PRKG2: variants seen among roughly 807,000 people sequenced by gnomAD.
PRKG2 encodes cGMP-dependent protein kinase 2.
Under a neutral mutation model 97.2 loss-of-function variants are expected in PRKG2, and 33 were observed. The observed-to-expected ratio is 0.34, with a 90% CI of 0.26 to 0.45. The LOEUF (loss-of-function observed/expected upper bound fraction) is 0.45. PRKG2 is among the 20% of genes least tolerant of loss of function. PRKG2 has a pLI of 1.00. For synonymous variants in PRKG2, 330 were observed against 321.8 expected (o/e 1.03, Z -0.27); for missense variants, 638 against 900.0 (o/e 0.71, Z 3.73).
At chr4:81,159,358 A>T (rs1269431717) in intron 6 of PRKG2, among the ~76,000 whole-genome samples, 1 of 152,244 alleles carries the variant, frequency 6.6e-6, no homozygotes, top group Non-Finnish European at 1.5e-5. Context: ...ACATGAAAAA[A>T]TGCTCATCAT....
At chr4:81,127,336 T>G (rs1177300536) in intron 14 of PRKG2, among the ~76,000 whole-genome samples, 1 of 152,216 alleles carries the variant, frequency 6.6e-6, no homozygotes, top group Non-Finnish European at 1.5e-5. Flanking sequence ...ATTAGAAATG[T>G]CTTGGCTATA....
intron 5 of PRKG2, 116 bp downstream of exon 5, chr4:81,169,547 T>C (rs752990330): frequency 2.0e-5 from 15 of 743,638 alleles, no homozygotes; most frequent in Non-Finnish European, 3.1e-5. Flanking sequence ...GGTTTAGTCA[T>C]GTGGAAAATG....
intron 14 of PRKG2, among the ~76,000 whole-genome samples, chr4:81,131,573 A>G (rs1746183061): frequency 6.6e-6 from 1 of 152,200 alleles, no homozygotes; most frequent in East Asian, 1.9e-4. Context: ...GTATTCTAAG[A>G]AATATTGGCC....
intron 9 of PRKG2, among the ~76,000 whole-genome samples, chr4:81,146,206 G>A (rs1747845217): frequency 6.6e-6 from 1 of 152,094 alleles, no homozygotes; most frequent in Non-Finnish European, 1.5e-5. Context: ...CAGTATTACT[G>A]TAAACAAATC....
In PRKG2 at chr4:81,132,627, T is replaced by C. The variant is rs115476643; in HGVS notation, c.1776+2528A>G. Among the ~76,000 whole-genome samples the C allele has an allele frequency of 4.4e-3, 667 of 152,318 alleles. 3 individuals are homozygous for C. Among genetic ancestry groups the C allele is most frequent in the African/African-American group, 0.015 (640 of 41,568 alleles). On this transcript the variant is annotated intron_variant, in intron 14 of 18. Coordinates refer to ENST00000264399, the MANE Select transcript of PRKG2 (RefSeq NM_006259.3). ...CGGTTTTCTTTTTACAGAGCTTGAA[T>C]ATCTACTCTTTGTTTCTTTTCAATG...
chr4:81,101,158 T>C (rs77180033), intron 17 of PRKG2, among the ~76,000 whole-genome samples: 34,410 of 150,384 alleles, frequency 0.23, 7,164 homozygotes, highest in African/African-American at 0.54. Context: ...GTCAGTGTGG[T>C]GATTCCTCAG....
At chr4:81,188,571 C>G (rs1183453483) in intron 2 of PRKG2, among the ~76,000 whole-genome samples, 1 of 137,736 alleles carries the variant, frequency 7.3e-6, no homozygotes. Context: ...GACACATGCA[C>G]ATGTATGTTT....
At chr4:81,138,384 GA>G (rs1746928706) in intron 12 of PRKG2, among the ~76,000 whole-genome samples, 1 of 152,150 alleles carries the variant, frequency 6.6e-6, no homozygotes, top group African/African-American at 2.4e-5. Context: ...TACACAGATA[GA>G]AGAAGCAATC....
chr4:81,099,294 A>G (rs1417744739), intron 17 of PRKG2, among the ~76,000 whole-genome samples: 1 of 152,202 alleles, frequency 6.6e-6, no homozygotes, highest in Non-Finnish European at 1.5e-5. Context: ...CTTGATGAAC[A>G]TTGATGCAAA....
chr4:81,159,216 C>A (rs1749391791), intron 6 of PRKG2, among the ~76,000 whole-genome samples: 1 of 152,082 alleles, frequency 6.6e-6, no homozygotes, highest in Admixed American at 6.5e-5. Flanking sequence ...ACTCATCTGA[C>A]ACAGGGCTAA....
At chr4:81,153,782 A>G in intron 6 of PRKG2, 61 bp from the exon 7 acceptor site, 1 of 1,209,942 alleles carries the variant, frequency 8.3e-7, no homozygotes, top group South Asian at 1.2e-5. Context: ...GCCTAATAGG[A>G]ACAGCTCCAG....
chr4:81,129,220 T>C (rs1745913483), intron 14 of PRKG2, among the ~76,000 whole-genome samples: 1 of 152,192 alleles, frequency 6.6e-6, no homozygotes, highest in South Asian at 2.1e-4. Flanking sequence ...AGGAGTGTTT[T>C]ATTTCCAATT....
intron 14 of PRKG2, among the ~76,000 whole-genome samples, chr4:81,117,583 T>A (rs1578368302): frequency 6.6e-6 from 1 of 152,334 alleles, no homozygotes; most frequent in East Asian, 1.9e-4. Flanking sequence ...AAGCACTGAA[T>A]GTAGAAATAC....
At chr4:81,100,738 C>T (rs1742661942) in intron 17 of PRKG2, among the ~76,000 whole-genome samples, 1 of 152,124 alleles carries the variant, frequency 6.6e-6, no homozygotes, top group South Asian at 2.1e-4. Flanking sequence ...AACTAAAGAG[C>T]TTCTGCACAG....
chr4:81,093,531 C>G (rs1741813604), intron 17 of PRKG2, among the ~76,000 whole-genome samples: 2 of 152,146 alleles, frequency 1.3e-5, no homozygotes, highest in African/African-American at 2.4e-5. Flanking sequence ...TCCATGAGGG[C>G]AGAGATTTTT....
intron 17 of PRKG2, among the ~76,000 whole-genome samples, chr4:81,100,696 A>C (rs1742656910): frequency 6.6e-6 from 1 of 152,318 alleles, no homozygotes; most frequent in South Asian, 2.1e-4. Flanking sequence ...CAATGGCAAC[A>C]AAAGCCAAAA....
At chr4:81,180,800 C>A (rs199791563) in intron 2 of PRKG2, among the ~76,000 whole-genome samples, 5 of 151,804 alleles carry the variant, frequency 3.3e-5, no homozygotes, top group South Asian at 2.1e-4. Flanking sequence ...TTAAATATCT[C>A]TTCAATAAAT....
At chr4:81,116,568 T>G (rs1744549777) in intron 14 of PRKG2, among the ~76,000 whole-genome samples, 1 of 152,170 alleles carries the variant, frequency 6.6e-6, no homozygotes, top group Admixed American at 6.5e-5. Context: ...GGTTGCATGG[T>G]AATTTTAAGT....
chr4:81,098,143 T>C (rs1742313919), intron 17 of PRKG2, among the ~76,000 whole-genome samples: 1 of 152,068 alleles, frequency 6.6e-6, no homozygotes, highest in Non-Finnish European at 1.5e-5. Context: ...GGCTAGAATA[T>C]AAGCAGGCAG....
Sources: allele counts gnomAD v4.1 joint callset (sites outside exome capture counted in the v4.1 genomes callset), GRCh38; gene constraint gnomAD v4.1.1; transcripts MANE v1.5; gene names NCBI Gene and HGNC (gene_info 2026-07-23, HGNC 2026-07-21).